The following CSMD1 variants were observed in gnomAD, a reference collection of about 807,000 sequenced individuals.
CSMD1 encodes CUB and sushi domain-containing protein 1.
In CSMD1, 213 loss-of-function variants were observed where a neutral mutation model predicts 417.5. The ratio of observed to expected loss-of-function variants is 0.51; its 90% CI spans 0.46 to 0.57. CSMD1 has a LOEUF of 0.57. CSMD1 is among the 20% of genes least tolerant of loss of function. CSMD1 has a pLI of 0.00. For missense variants in CSMD1, 6,923 were observed against 4,529.7 expected, an observed-to-expected ratio of 1.53 and a Z score of -15.17; for synonymous variants, 2,862 against 1,736.8, an observed-to-expected ratio of 1.65 and a Z score of -16.11.
chr8:3,069,338 G>C (rs1390734925), intron 49 of CSMD1, among the ~76,000 whole-genome samples: 1 of 151,918 alleles, frequency 6.6e-6, no homozygotes. Flanking sequence ...GGGAGGCTAA[G>C]GCAGGAGACT....
chr8:3,610,522 A>C (rs1182635550), intron 8 of CSMD1, among the ~76,000 whole-genome samples: 1 of 152,164 alleles, frequency 6.6e-6, no homozygotes, highest in Non-Finnish European at 1.5e-5. Flanking sequence ...CTATAAAAAT[A>C]AATAGGTCAT....
At position 3,672,577 on chromosome 8, in the gene CSMD1, C is replaced by G. The variant is rs551752789; in HGVS notation, c.1009+35837G>C. 4.2e-4 allele frequency among the ~76,000 whole-genome samples: 64 copies of G among 152,280 alleles called. 1 individual carries two copies. The highest frequency in any genetic ancestry group is 1.5e-3 in the African/African-American group (62 of 41,562). On this transcript the variant is annotated intron_variant, in intron 7 of 69. Coordinates refer to ENST00000635120, the MANE Select transcript of CSMD1 (RefSeq NM_033225.6). ...AATAATGGTTTAAAGCTCATGGATT[C>G]CCAATAATGTGTTTACATTTGGCCA...
intron 3 of CSMD1, among the ~76,000 whole-genome samples, chr8:4,122,817 C>T (rs986405591): frequency 4.6e-5 from 7 of 152,120 alleles, no homozygotes; most frequent in Admixed American, 1.3e-4. Flanking sequence ...ATTTAATCTC[C>T]CCCTCCCTCT....
At chr8:4,636,820 G>A (rs1207511242) in intron 2 of CSMD1, among the ~76,000 whole-genome samples, 2 of 152,106 alleles carry the variant, frequency 1.3e-5, no homozygotes, top group East Asian at 1.9e-4. Flanking sequence ...GAAGCCAGCT[G>A]GACTTCTTGC....
At chr8:4,867,360 A>G (rs1802477394) in intron 1 of CSMD1, among the ~76,000 whole-genome samples, 1 of 152,084 alleles carries the variant, frequency 6.6e-6, no homozygotes, top group Non-Finnish European at 1.5e-5. Flanking sequence ...TTTCCTCTTT[A>G]AATAGTTGGC....
At chr8:3,895,105 T>C (rs1296476150) in intron 5 of CSMD1, among the ~76,000 whole-genome samples, 2 of 152,200 alleles carry the variant, frequency 1.3e-5, no homozygotes, top group African/African-American at 4.8e-5. Context: ...CTTCTTAACA[T>C]ATTGATTAAA....
intron 5 of CSMD1, among the ~76,000 whole-genome samples, chr8:3,931,520 T>C (rs1023462420): frequency 7.3e-5 from 11 of 150,284 alleles, no homozygotes; most frequent in Middle Eastern, 3.4e-3. Flanking sequence ...TCCAATTTCA[T>C]TGAATTACAG....
intron 5 of CSMD1, among the ~76,000 whole-genome samples, chr8:3,765,142 C>T (rs562145799): frequency 1.8e-4 from 28 of 152,220 alleles, no homozygotes; most frequent in African/African-American, 6.5e-4. Context: ...TAATATGAAT[C>T]GATTTGTTTC....
chr8:3,410,101 G>C (rs1812590057), intron 12 of CSMD1, among the ~76,000 whole-genome samples: 2 of 152,112 alleles, frequency 1.3e-5, no homozygotes, highest in African/African-American at 4.8e-5. Context: ...TAACAGTTTG[G>C]TCTACAGAGG....
At chr8:4,119,216 C>G (rs1455868150) in intron 3 of CSMD1, among the ~76,000 whole-genome samples, 5 of 151,886 alleles carry the variant, frequency 3.3e-5, no homozygotes, top group African/African-American at 9.7e-5. Context: ...ATGTAACAAG[C>G]CTGCACATTC....
intron 7 of CSMD1, among the ~76,000 whole-genome samples, chr8:3,652,721 C>A (rs1428070080): frequency 6.6e-6 from 1 of 152,088 alleles, no homozygotes; most frequent in African/African-American, 2.4e-5. Context: ...CTCCAAGTGA[C>A]CCCGCCCCTA....
At chr8:3,404,053 T>C (rs1812199084) in intron 15 of CSMD1, among the ~76,000 whole-genome samples, 1 of 152,152 alleles carries the variant, frequency 6.6e-6, no homozygotes, top group African/African-American at 2.4e-5. Flanking sequence ...ATACCCTCCT[T>C]TACGTGTAGT....
At chr8:3,891,604 G>A (rs560795574) in intron 5 of CSMD1, among the ~76,000 whole-genome samples, 1 of 152,052 alleles carries the variant, frequency 6.6e-6, no homozygotes, top group East Asian at 1.9e-4. Flanking sequence ...GATTGTTTGA[G>A]CCCAGGAGGT....
At chr8:4,942,963 G>C (rs557670241) in intron 1 of CSMD1, among the ~76,000 whole-genome samples, 13 of 152,288 alleles carry the variant, frequency 8.5e-5, no homozygotes, top group African/African-American at 2.9e-4. Flanking sequence ...GATTGAGATA[G>C]CTTAAGGCAG....
At chr8:4,324,246 G>A (rs1290079479) in intron 3 of CSMD1, among the ~76,000 whole-genome samples, 2 of 152,192 alleles carry the variant, frequency 1.3e-5, no homozygotes, top group Non-Finnish European at 2.9e-5. Context: ...CCTACACCAA[G>A]AATGTGAGTT....
At chr8:3,906,620 C>T (rs1010882297) in intron 5 of CSMD1, among the ~76,000 whole-genome samples, 3 of 147,714 alleles carry the variant, frequency 2.0e-5, no homozygotes, top group Non-Finnish European at 4.4e-5. Context: ...ATCTAACAAA[C>T]CTAAGCTTTT....
chr8:3,941,467 T>A (rs1810878275), intron 5 of CSMD1, among the ~76,000 whole-genome samples: 1 of 152,202 alleles, frequency 6.6e-6, no homozygotes, highest in African/African-American at 2.4e-5. Context: ...ACTAAGGTCC[T>A]ATTAAATGCA....
intron 12 of CSMD1, among the ~76,000 whole-genome samples, chr8:3,417,367 A>G (rs1416980099): frequency 6.6e-6 from 1 of 152,188 alleles, no homozygotes; most frequent in Non-Finnish European, 1.5e-5. Flanking sequence ...CTAACTTTTT[A>G]TCTCCCAAAA....
intron 3 of CSMD1, among the ~76,000 whole-genome samples, chr8:4,153,382 T>G (rs1481130862): frequency 6.6e-6 from 1 of 152,244 alleles, no homozygotes; most frequent in Non-Finnish European, 1.5e-5. Context: ...AACAGTGTAA[T>G]ACTCTGCAGT....
Sources: gnomAD v4.1 joint callset for allele counts (sites outside exome capture counted in the v4.1 genomes callset) on GRCh38, gnomAD v4.1.1 for gene constraint, MANE v1.5 for transcripts, NCBI Gene and HGNC (gene_info 2026-07-23, HGNC 2026-07-21) for gene names.